The following SLC35F4 variants were observed in gnomAD, a reference collection of about 807,000 sequenced individuals.
The protein encoded by SLC35F4 is chromosome 14 open reading frame 36.
Under a neutral mutation model 44.2 loss-of-function variants are expected in SLC35F4, and 24 were observed. That is an observed-to-expected ratio of 0.54 (90% CI 0.39 to 0.76). The LOEUF (loss-of-function observed/expected upper bound fraction) is 0.76. Among genes scored for constraint, SLC35F4 ranks in the 30% least tolerant of loss-of-function variants. SLC35F4 has a pLI of 0.00. For synonymous variants in SLC35F4, 238 were observed against 223.6 expected, an observed-to-expected ratio of 1.06 and a Z score of -0.57; for missense variants, 562 against 586.1, an observed-to-expected ratio of 0.96 and a Z score of 0.42.
chr14:57,647,029 G>A (rs1219359738), intron 1 of SLC35F4, among the ~76,000 whole-genome samples: 4 of 152,140 alleles, frequency 2.6e-5, no homozygotes, highest in Non-Finnish European at 5.9e-5. Flanking sequence ...GCTGAGGAGT[G>A]CTTTACTTCC....
intron 1 of SLC35F4, among the ~76,000 whole-genome samples, chr14:57,727,809 C>G (rs1376862954): frequency 6.6e-6 from 1 of 152,202 alleles, no homozygotes; most frequent in African/African-American, 2.4e-5. Context: ...AACATGTGGT[C>G]TATCCTTGAG....
chr14:57,951,356 T>A (rs536633964), intron 1 of SLC35F4, among the ~76,000 whole-genome samples: 4 of 152,136 alleles, frequency 2.6e-5, no homozygotes, highest in African/African-American at 7.2e-5. Flanking sequence ...CAAAACTGGG[T>A]GGCTGTTTGG....
At chr14:57,711,607 T>G (rs1428916667) in intron 1 of SLC35F4, among the ~76,000 whole-genome samples, 4 of 148,064 alleles carry the variant, frequency 2.7e-5, no homozygotes, top group Non-Finnish European at 6.1e-5. Flanking sequence ...GAACCACCAT[T>G]TGTTATGGTG....
chr14:57,652,199 G>A (rs1232282346), intron 1 of SLC35F4, among the ~76,000 whole-genome samples: 1 of 152,136 alleles, frequency 6.6e-6, no homozygotes. Context: ...ATTTTCAGAA[G>A]CTTTCTGCAA....
intron 1 of SLC35F4, among the ~76,000 whole-genome samples, chr14:57,776,638 C>T (rs2077495051): frequency 7.8e-6 from 1 of 128,180 alleles, no homozygotes; most frequent in African/African-American, 3.0e-5. Flanking sequence ...TGCACTCCAG[C>T]TTGGGCAGCA....
intron 1 of SLC35F4, among the ~76,000 whole-genome samples, chr14:57,690,418 A>C (rs2075197469): frequency 6.6e-6 from 1 of 152,130 alleles, no homozygotes; most frequent in African/African-American, 2.4e-5. Flanking sequence ...AAGGAAGTGG[A>C]GACAGCTTAG....
At chr14:57,669,787 A>C (rs180739781) in intron 1 of SLC35F4, among the ~76,000 whole-genome samples, 4 of 151,962 alleles carry the variant, frequency 2.6e-5, no homozygotes, top group African/African-American at 9.7e-5. Context: ...TTGGTCTAAA[A>C]TTCTCTTTTT....
At chr14:57,771,685 C>T (rs2077368585) in intron 1 of SLC35F4, among the ~76,000 whole-genome samples, 1 of 152,186 alleles carries the variant, frequency 6.6e-6, no homozygotes, top group Admixed American at 6.5e-5. Context: ...TCTCTGCCTT[C>T]TGGGCTTGAG....
At chr14:57,793,760 TTGAA>T (rs1452976023) in intron 1 of SLC35F4, among the ~76,000 whole-genome samples, 7 of 152,156 alleles carry the variant, frequency 4.6e-5, no homozygotes, top group African/African-American at 1.7e-4. Flanking sequence ...AATTGCTGGA[TTGAA>T]TGATAGATTT....
chr14:57,808,863 C>T (rs1444572163), intron 1 of SLC35F4, among the ~76,000 whole-genome samples: 1 of 152,202 alleles, frequency 6.6e-6, no homozygotes, highest in East Asian at 1.9e-4. Context: ...GTATCAACAA[C>T]TTCATTTTAA....
chr14:57,718,891 G>A (rs2140428088), intron 1 of SLC35F4, among the ~76,000 whole-genome samples: 1 of 152,140 alleles, frequency 6.6e-6, no homozygotes, highest in Non-Finnish European at 1.5e-5. Flanking sequence ...TGCTCTTGTG[G>A]GGTATTACTT....
At chr14:57,650,080 G>C (rs2073722485) in intron 1 of SLC35F4, among the ~76,000 whole-genome samples, 1 of 152,058 alleles carries the variant, frequency 6.6e-6, no homozygotes, top group Admixed American at 6.6e-5. Context: ...TTCTTAGTTT[G>C]CTTTTCTAAC....
intron 1 of SLC35F4, among the ~76,000 whole-genome samples, chr14:57,775,040 C>G (rs1341914771): frequency 6.6e-6 from 1 of 152,062 alleles, no homozygotes; most frequent in Non-Finnish European, 1.5e-5. Context: ...CACACTGCCA[C>G]TAGTGCAAAA....
At chr14:57,779,030 CAA>C (rs1432807004) in intron 1 of SLC35F4, among the ~76,000 whole-genome samples, 3 of 151,864 alleles carry the variant, frequency 2.0e-5, no homozygotes, top group African/African-American at 7.2e-5. Context: ...AAAAAGATAT[CAA>C]GTTAACAACC....
chr14:57,824,540 TA>T (rs1403939010), intron 1 of SLC35F4, among the ~76,000 whole-genome samples: 1 of 152,206 alleles, frequency 6.6e-6, no homozygotes, highest in Non-Finnish European at 1.5e-5. Context: ...ATGCTTTGGA[TA>T]AAAACAGGCA....
At chr14:57,963,953 G>A (rs1566517828) in intron 1 of SLC35F4, among the ~76,000 whole-genome samples, 1 of 151,816 alleles carries the variant, frequency 6.6e-6, no homozygotes, top group African/African-American at 2.4e-5. Flanking sequence ...AAACTCCTGG[G>A]CTCAAGCAAT....
At position 57,923,953 on chromosome 14, in the gene SLC35F4, G is replaced by A. The variant is rs530717535; in HGVS notation, n.282+57960C>T. ...TAGTGGGAGGAACCCAGTGGCAGGC[G>A]ATTGAGTTATGGGGGTGGGTCTTTC... On this transcript the variant is annotated intron_variant and non_coding_transcript_variant, in intron 1 of 1. Transcript: ENST00000556568. Among the ~76,000 whole-genome samples the A allele has an allele frequency of 7.9e-5, 12 of 152,326 alleles. No individual in the cohort carries two copies. In the East Asian group the frequency reaches 1.4e-3, roughly 17 times the overall value.
intron 1 of SLC35F4, among the ~76,000 whole-genome samples, chr14:57,935,574 A>G (rs1889780657): frequency 6.6e-6 from 1 of 152,194 alleles, no homozygotes; most frequent in African/African-American, 2.4e-5. Context: ...GGCCCCTTCT[A>G]ATATTATTCT....
chr14:57,676,462 T>G (rs1335207670), intron 1 of SLC35F4, among the ~76,000 whole-genome samples: 1 of 152,058 alleles, frequency 6.6e-6, no homozygotes, highest in Non-Finnish European at 1.5e-5. Flanking sequence ...ATAAAAGCTA[T>G]GCCTGCAGGG....
Sources: gnomAD v4.1 joint callset for allele counts (sites outside exome capture counted in the v4.1 genomes callset) on GRCh38, gnomAD v4.1.1 for gene constraint, MANE v1.5 for transcripts, NCBI Gene and HGNC (gene_info 2026-07-23, HGNC 2026-07-21) for gene names.